USP45: variants seen among roughly 807,000 people sequenced by gnomAD.
The protein encoded by USP45 is ubiquitin carboxyl-terminal hydrolase 45.
A neutral mutation model predicts 95.8 loss-of-function variants in USP45; 89 were observed. The observed-to-expected ratio is 0.93, with a 90% CI of 0.78 to 1.11. The LOEUF is 1.11. USP45 is among the 50% of genes least tolerant of loss of function. USP45 has a pLI of 0.00. For synonymous variants in USP45, 281 were observed against 316.2 expected, an observed-to-expected ratio of 0.89 and a Z score of 1.18; for missense variants, 898 against 942.5, an observed-to-expected ratio of 0.95 and a Z score of 0.62.
chr6:99,473,337 C>T lies in USP45; in HGVS notation c.933+2806G>A, dbSNP rs570356945. ...GGCAGATTACTTGAGGTCCGGAGTT[C>T]GAAACAAGCCTGGCCAAAGTGGTAA... On this transcript the variant is annotated intron_variant, in intron 9 of 17. Transcript: ENST00000500704. Among the ~76,000 whole-genome samples the T allele has an allele frequency of 2.3e-4, 35 of 151,130 alleles. No homozygotes were observed. The East Asian group carries it at 6.3e-3, about 27-fold the overall frequency.
At chr6:99,501,890 G>C in intron 5 of USP45, 1 of 1,255,834 alleles carries the variant, frequency 8.0e-7, no homozygotes, top group Non-Finnish European at 1.0e-6. Flanking sequence ...AGCGACAAGA[G>C]TGTCTGTTAT....
chr6:99,501,928 GAC>G (rs1445009406), intron 5 of USP45: 1 of 1,295,836 alleles, frequency 7.7e-7, no homozygotes, highest in Non-Finnish European at 1.0e-6. Flanking sequence ...GGCCACATTT[GAC>G]AGTTTATATC....
chr6:99,474,005 C>CT (rs1790177019), intron 9 of USP45, among the ~76,000 whole-genome samples: 1 of 152,092 alleles, frequency 6.6e-6, no homozygotes, highest in Non-Finnish European at 1.5e-5. Context: ...ATTCAATTAG[C>CT]TTAATAAGAA....
chr6:99,513,826 A>C (rs1453931003), intron 1 of USP45, among the ~76,000 whole-genome samples: 1 of 152,212 alleles, frequency 6.6e-6, no homozygotes, highest in Non-Finnish European at 1.5e-5. Flanking sequence ...TTGAGGCAAA[A>C]GGGCAAAATT....
At position 99,507,514 on chromosome 6, in the gene USP45, T is replaced by C; in HGVS notation, c.291A>G (p.Ser97=). The C allele has an allele frequency of 6.2e-7, 1 of 1,611,846 alleles. No individual in the cohort carries two copies. The highest frequency in any genetic ancestry group is 8.5e-7 in the Non-Finnish European group (1 of 1,178,554). ...KCGFQGCGKN[S]ESQHSLKHFK... ...AGTGCTTCAATGAATGTTGGCTTTC[T>C]GAGTTTTTACCACATCCCTGAAGAT... Residue 97 remains serine, a synonymous_variant, in exon 4 of 18, where the codon TCA becomes TCG. Coordinates refer to ENST00000500704, the MANE Select transcript of USP45 (RefSeq NM_001346022.3).
At chr6:99,505,379 A>C (rs765385961) in intron 4 of USP45, among the ~76,000 whole-genome samples, 6 of 152,118 alleles carry the variant, frequency 3.9e-5, no homozygotes, top group African/African-American at 1.4e-4. Flanking sequence ...AATGTAATGC[A>C]TTATGGCCGG....
chr6:99,479,668 A>C (rs1486921874), intron 8 of USP45, among the ~76,000 whole-genome samples: 1 of 146,574 alleles, frequency 6.8e-6, no homozygotes, highest in African/African-American at 2.4e-5. Context: ...ATTTCTTAAT[A>C]AGAACTCTCA....
At chr6:99,506,833 AT>A (rs1798625605) in intron 4 of USP45, among the ~76,000 whole-genome samples, 1 of 152,162 alleles carries the variant, frequency 6.6e-6, no homozygotes, top group South Asian at 2.1e-4. Context: ...CAACACTAGA[AT>A]TCTGTATTAG....
At chr6:99,496,139 C>T (rs61133624) in intron 5 of USP45, among the ~76,000 whole-genome samples, 2 of 151,828 alleles carry the variant, frequency 1.3e-5, no homozygotes, top group African/African-American at 4.8e-5. Flanking sequence ...AACTGTATTA[C>T]CTCTTAAAAA....
chr6:99,437,983 G>C (rs1780823317), intron 16 of USP45, among the ~76,000 whole-genome samples: 1 of 152,160 alleles, frequency 6.6e-6, no homozygotes, highest in South Asian at 2.1e-4. Context: ...CATGTTATCA[G>C]GCTAAGTTCT....
At position 99,485,287 on chromosome 6, in the gene USP45, G is replaced by A. The variant is rs534374788; in HGVS notation, c.715-2404C>T. On this transcript the variant is annotated intron_variant, in intron 7 of 17. Transcript: ENST00000500704. ...TTGAACCTACGAGGCAGAGGTTGCAGTGAGCCGAGATCGTGCCACTGCATT... is the reference window on the plus strand; with the variant it reads ...TTGAACCTACGAGGCAGAGGTTGCAATGAGCCGAGATCGTGCCACTGCATT... 2.1e-4 allele frequency among the ~76,000 whole-genome samples: 32 copies of A among 152,158 alleles called. 1 individual carries two copies. The highest frequency in any genetic ancestry group is 6.5e-4 in the African/African-American group (27 of 41,518).
At chr6:99,437,188 G>A (rs1183756321) in intron 17 of USP45, 58 bp downstream of exon 17, 61 of 1,525,664 alleles carry the variant, frequency 4.0e-5, no homozygotes, top group Admixed American at 2.1e-5. Context: ...AGCTCTCCCA[G>A]AAAAGGAAGC....
intron 8 of USP45, among the ~76,000 whole-genome samples, chr6:99,479,682 A>G (rs1158509003): frequency 6.6e-6 from 1 of 152,150 alleles, no homozygotes; most frequent in African/African-American, 2.4e-5. Context: ...ACTCTCAGAA[A>G]AAAGAAAAAC....
At position 99,439,750 on chromosome 6, in the gene USP45, ATATCT is replaced by A. The variant is rs767476976; in HGVS notation, c.2160+14_2160+18del. Reference sequence around the variant, plus strand: ...GCATATTAATTTATAAATCAATTAAATATCTTAATATACTGTACCTTACAAGTAGC... The same window carrying A: ...GCATATTAATTTATAAATCAATTAAATAATATACTGTACCTTACAAGTAGC... On this transcript the variant is annotated intron_variant, in intron 16 of 17. Coordinates refer to ENST00000500704, the MANE Select transcript of USP45 (RefSeq NM_001346022.3). 6.8e-7 allele frequency: 1 copy of A among 1,479,550 alleles called. No homozygotes were observed. Among genetic ancestry groups the A allele is most frequent in the Non-Finnish European group, 9.1e-7 (1 of 1,103,882 alleles). 91.7% of individuals were successfully genotyped at this position (1,479,550 alleles called of 1,614,324 possible). A position where few individuals can be genotyped will look rare whatever the true frequency, so the allele number is the denominator to read the frequency against.
chr6:99,435,996 AAAAG>A lies in USP45; in HGVS notation c.2315-154_2315-151del, dbSNP rs1357111014. ...TTTTTCTTGGGTTAAGCATTTTCCA[AAAAG>A]AACTTTTTTTTTTTTAAATTATATT... On this transcript the variant is annotated intron_variant, in intron 17 of 17. Transcript: ENST00000500704. The A allele has an allele frequency of 1.7e-5, 13 of 773,158 alleles. No individual in the cohort carries two copies. In the African/African-American group the frequency reaches 2.3e-4, roughly 14 times the overall value. 47.9% of individuals were successfully genotyped at this position (773,158 alleles called of 1,614,324 possible). A position where few individuals can be genotyped will look rare whatever the true frequency, so the allele number is the denominator to read the frequency against.
At chr6:99,467,760 TA>T (rs1286212131) in intron 10 of USP45, among the ~76,000 whole-genome samples, 1 of 152,032 alleles carries the variant, frequency 6.6e-6, no homozygotes, top group Non-Finnish European at 1.5e-5. Context: ...CTACGTTTTT[TA>T]AAAATCTTGA....
rs201205595 is a variant in USP45, at chr6:99,461,925, C to A, written c.1308+2679G>T. On this transcript the variant is annotated intron_variant, in intron 13 of 17. Transcript: ENST00000500704. ...GAAAGTAGTTAACTACTGAATCATT[C>A]TGGTTCCATGATTAAACTGGTTCTG... is the stretch of plus-strand genomic sequence containing the variant. The A allele has an allele frequency of 8.1e-6, 8 of 985,272 alleles. No individual in the cohort carries two copies. The East Asian group carries it at 5.7e-4, about 70-fold the overall frequency. The allele number at this position is 985,272 out of a possible 1,614,324, so 61.0% of individuals were successfully genotyped here.
intron 5 of USP45, among the ~76,000 whole-genome samples, chr6:99,493,907 AGAT>A (rs748308075): frequency 6.6e-6 from 1 of 152,252 alleles, no homozygotes; most frequent in Non-Finnish European, 1.5e-5. Context: ...CAAACATTTT[AGAT>A]GATATTAAAA....
chr6:99,460,879 A>G (rs1161362281), intron 13 of USP45: 1 of 974,876 alleles, frequency 1.0e-6, no homozygotes, highest in East Asian at 1.1e-4. Flanking sequence ...TTATTCAATT[A>G]AAACCAAAAG....
Sources: allele counts gnomAD v4.1 joint callset (sites outside exome capture counted in the v4.1 genomes callset), GRCh38; gene constraint gnomAD v4.1.1; transcripts MANE v1.5; gene names NCBI Gene and HGNC (gene_info 2026-07-23, HGNC 2026-07-21).